The following RIF1 variants were observed in gnomAD, a reference collection of about 807,000 sequenced individuals.
RIF1 encodes the protein telomere-associated protein RIF1.
Under a neutral mutation model 247.1 loss-of-function variants are expected in RIF1, and 45 were observed. That is an observed-to-expected ratio of 0.18 (90% CI 0.14 to 0.23). The LOEUF is 0.23. Among genes scored for constraint, RIF1 ranks in the 10% least tolerant of loss-of-function variants. The probability of loss-of-function intolerance (pLI) is 1.00; values close to 1 mark genes in which losing one functional copy is unlikely to be tolerated. For missense variants in RIF1, 2,967 were observed against 2,862.5 expected, an observed-to-expected ratio of 1.04 and a Z score of -0.83; for synonymous variants, 1,087 against 978.8, an observed-to-expected ratio of 1.11 and a Z score of -2.06.
chr2:151,480,935 G>A lies in RIF1; in HGVS notation c.*5864G>A, dbSNP rs1220454012. 2 of 150,148 alleles carry A rather than the reference G, an allele frequency of 1.3e-5. No individual in the cohort carries two copies. Among genetic ancestry groups the A allele is most frequent in the Non-Finnish European group, 3.0e-5 (2 of 67,580 alleles). 9.3% of individuals were successfully genotyped at this position (150,148 alleles called of 1,614,324 possible). On this transcript the variant is annotated 3_prime_UTR_variant, in exon 36 of 36. Coordinates refer to ENST00000444746, the MANE Select transcript of RIF1 (RefSeq NM_018151.5). ...TTTGTACTATCTGTGAGCTGAGACTGGTTTTTACATTTTTTAATGGTGAAA... is the reference window on the plus strand; with the variant it reads ...TTTGTACTATCTGTGAGCTGAGACTAGTTTTTACATTTTTTAATGGTGAAA...
chr2:151,411,232 T>C, intron 2 of RIF1, 28 bp from the exon 3 acceptor site: 1 of 1,411,146 alleles, frequency 7.1e-7, no homozygotes, highest in South Asian at 1.2e-5. Context: ...GTCAACTACT[T>C]AAACTTGTGT....
At chr2:151,483,385 C>G (rs1311697162), downstream of RIF1, 1 of 152,030 alleles carries the variant, frequency 6.6e-6, no homozygotes, top group African/African-American at 2.4e-5. Flanking sequence ...TTATAAGATA[C>G]ACACTGAAAG....
intron 22 of RIF1, among the ~76,000 whole-genome samples, chr2:151,455,603 A>G (rs568161418): frequency 6.6e-6 from 1 of 152,238 alleles, no homozygotes; most frequent in Non-Finnish European, 1.5e-5. Context: ...AATAAATACA[A>G]TATGACAATT....
intron 9 of RIF1, chr2:151,489,972 C>G: frequency 6.3e-7 from 1 of 1,581,026 alleles, no homozygotes; most frequent in Non-Finnish European, 8.7e-7. Flanking sequence ...TTCACTTACT[C>G]CAGCAGTAGA....
intron 6 of RIF1, among the ~76,000 whole-genome samples, chr2:151,417,825 C>T (rs900858098): frequency 6.6e-6 from 1 of 152,154 alleles, no homozygotes; most frequent in Non-Finnish European, 1.5e-5. Context: ...AGAGGACTTA[C>T]ACAAACCTAG....
chr2:151,527,626 G>T, the RIF1 span: 1 of 1,459,170 alleles, frequency 6.9e-7, no homozygotes, highest in South Asian at 1.2e-5. Context: ...TGATTCAGTA[G>T]GCTAAATTCA....
rs973651619 is a variant in RIF1 at position 151,499,257 on chromosome 2, A to T, written c.*514-88A>T. ...AATCTAGCCATTAATCTTTTTAAAC[A>T]TTTTTTTAAATAATTAAAGGGATTT... On this transcript the variant is annotated intron_variant and NMD_transcript_variant, in intron 10 of 13. Coordinates refer to the RIF1 transcript ENST00000454583. 11 of 1,088,644 alleles carry T rather than the reference A, an allele frequency of 1.0e-5. No homozygotes were observed. In the East Asian group the frequency reaches 1.9e-4, roughly 18 times the overall value. The allele number at this position is 1,088,644 out of a possible 1,614,324, so 67.4% of individuals were successfully genotyped here. A position where few individuals can be genotyped will look rare whatever the true frequency, so the allele number is the denominator to read the frequency against.
intron 9 of RIF1, among the ~76,000 whole-genome samples, chr2:151,432,083 A>G (rs900272879): frequency 6.6e-6 from 1 of 152,074 alleles, no homozygotes; most frequent in African/African-American, 2.4e-5. Flanking sequence ...ATCTCAGCTC[A>G]CTGCAACCTC....
At chr2:151,512,713 G>A, downstream of RIF1, 1 of 1,537,800 alleles carries the variant, frequency 6.5e-7, no homozygotes, top group East Asian at 2.2e-5. Context: ...TATGAGTGAT[G>A]GCATGACGAA....
At chr2:151,533,587 G>T in the RIF1 span, 1 of 1,340,818 alleles carries the variant, frequency 7.5e-7, no homozygotes, top group Non-Finnish European at 1.0e-6. Context: ...AGAGACTTAT[G>T]AAGACAGAAA....
chr2:151,454,801 A>G (rs1459888671), intron 21 of RIF1, 94 bp from the exon 22 acceptor site: 4 of 893,990 alleles, frequency 4.5e-6, no homozygotes, highest in Non-Finnish European at 3.3e-6. Flanking sequence ...TGATGTATCT[A>G]ACATTTAAAT....
chr2:151,459,466 G>A (rs1695782587), intron 25 of RIF1, among the ~76,000 whole-genome samples: 2 of 151,946 alleles, frequency 1.3e-5, no homozygotes, highest in African/African-American at 2.4e-5. Flanking sequence ...AGAATCTTTG[G>A]GAGAAAAAAG....
At chr2:151,425,666 T>TG (rs1389299519) in intron 8 of RIF1, among the ~76,000 whole-genome samples, 1 of 136,224 alleles carries the variant, frequency 7.3e-6, no homozygotes, top group African/African-American at 2.8e-5. Context: ...TACCCTTTTT[T>TG]TTTTTTTTTT....
At chr2:151,525,151 G>A in the RIF1 span, 2 of 1,596,744 alleles carry the variant, frequency 1.3e-6, no homozygotes, top group African/African-American at 1.3e-5. Flanking sequence ...AGTGTTGAGA[G>A]GGAAAACTTA....
the RIF1 span, chr2:151,525,892 T>C: frequency 7.9e-7 from 1 of 1,259,618 alleles, no homozygotes. Flanking sequence ...CAACTGACAT[T>C]ATTTCACCAG....
At chr2:151,529,461 A>G in the RIF1 span, 1 of 641,140 alleles carries the variant, frequency 1.6e-6, no homozygotes, top group South Asian at 1.9e-5. Flanking sequence ...GAGCAAGGAT[A>G]CAGCCATGCA....
At chr2:151,460,160 T>A in intron 26 of RIF1, 41 bp downstream of exon 26, 1 of 1,409,238 alleles carries the variant, frequency 7.1e-7, no homozygotes, top group Non-Finnish European at 9.7e-7. Flanking sequence ...TAAGATAAAG[T>A]ATATTGTAAC....
chr2:151,510,133 T>TA (rs1484821909), downstream of RIF1, among the ~76,000 whole-genome samples: 5 of 152,326 alleles, frequency 3.3e-5, no homozygotes, highest in Middle Eastern at 3.4e-3. Context: ...TTAATTTAAA[T>TA]GGGTTCAGGT....
chr2:151,482,845 T>C (rs1416605886), downstream of RIF1, among the ~76,000 whole-genome samples: 1 of 152,192 alleles, frequency 6.6e-6, no homozygotes, highest in Non-Finnish European at 1.5e-5. Flanking sequence ...TTCTAAGGAC[T>C]GTGTGGAAGT....
Sources: gnomAD v4.1 joint callset for allele counts (sites outside exome capture counted in the v4.1 genomes callset) on GRCh38, gnomAD v4.1.1 for gene constraint, MANE v1.5 for transcripts, NCBI Gene and HGNC (gene_info 2026-07-23, HGNC 2026-07-21) for gene names.